The following BRME1 variants were observed in gnomAD, a reference collection of about 807,000 sequenced individuals.
BRME1 encodes break repair meiotic recombinase recruitment factor 1.
A neutral mutation model predicts 52.6 loss-of-function variants in BRME1; 31 were observed. The ratio of observed to expected loss-of-function variants is 0.59; its 90% CI spans 0.44 to 0.80. The LOEUF is 0.80. BRME1 is among the 30% of genes least tolerant of loss of function. BRME1 has a pLI of 0.00. For missense variants in BRME1, 804 were observed against 860.3 expected, an observed-to-expected ratio of 0.93 and a Z score of 0.82; for synonymous variants, 359 against 353.6, an observed-to-expected ratio of 1.02 and a Z score of -0.17.
intron 2 of BRME1, among the ~76,000 whole-genome samples, chr19:13,901,606 T>C (rs1205245913): frequency 2.0e-5 from 3 of 149,080 alleles, no homozygotes; most frequent in African/African-American, 5.0e-5. Context: ...GGCTGAGGCA[T>C]GAGCATCACT....
chr19:13,903,685 A>T (rs567081951), intron 2 of BRME1, among the ~76,000 whole-genome samples: 18 of 151,938 alleles, frequency 1.2e-4, no homozygotes, highest in Non-Finnish European at 2.4e-4. Flanking sequence ...AAAAAAAAAA[A>T]AATAAAGTCT....
chr19:13,886,152 G>A (rs1568372593), intron 6 of BRME1, 97 bp from the exon 7 acceptor site: 15 of 996,026 alleles, frequency 1.5e-5, no homozygotes, highest in Middle Eastern at 2.1e-4. Flanking sequence ...TGGCTTCACC[G>A]CGGCCACAGC....
intron 2 of BRME1, among the ~76,000 whole-genome samples, chr19:13,897,040 C>CT (rs35686337): frequency 0.31 from 41,388 of 133,256 alleles, 8,413 homozygotes; most frequent in African/African-American, 0.58. Context: ...TACATCGAAA[C>CT]TTTTTTTTTT....
rs560670498 is a variant in BRME1, at chr19:13,897,128, T to C, written c.32-1582A>G. Among the ~76,000 whole-genome samples the C allele has an allele frequency of 5.3e-5, 8 of 150,032 alleles. No individual in the cohort carries two copies. The South Asian group carries it at 1.7e-3, about 32-fold the overall frequency. ...ATCTCTGCTCACCGCAACCTCTGCC[T>C]CCCGGGTTCAAGTGATTCTCCTGCC... is the stretch of plus-strand genomic sequence containing the variant. On this transcript the variant is annotated intron_variant, in intron 2 of 8. Coordinates refer to ENST00000586783, the MANE Select transcript of BRME1 (RefSeq NM_001345843.2).
chr19:13,896,270 A>C (rs1969884320), intron 2 of BRME1, among the ~76,000 whole-genome samples: 2 of 149,426 alleles, frequency 1.3e-5, no homozygotes, highest in African/African-American at 4.9e-5. Flanking sequence ...ACTCTGTCTC[A>C]AAAAAAAATT....
At chr19:13,905,258 T>C (rs978352188) in intron 1 of BRME1, among the ~76,000 whole-genome samples, 21 of 151,988 alleles carry the variant, frequency 1.4e-4, no homozygotes, top group Non-Finnish European at 2.8e-4. Flanking sequence ...GACTGGGGTA[T>C]CTGGGGGCCC....
At position 13,885,963 on chromosome 19, in the gene BRME1, C is replaced by T. The variant is rs758097252; in HGVS notation, c.1761G>A (p.Pro587=). The T allele has an allele frequency of 5.0e-6, 8 of 1,613,478 alleles. No individual in the cohort carries two copies. The East Asian group carries it at 6.7e-5, about 13-fold the overall frequency. Residue 587 remains proline, a splice_region_variant and synonymous_variant, in exon 7 of 9, where the codon CCG becomes CCA. Coordinates refer to ENST00000586783, the MANE Select transcript of BRME1 (RefSeq NM_001345843.2). ...GDPVAVAKAQ[P]RTFVGIQASE... ...CTTCTCACCCACGCCACACCTACCT[C>T]GGCTGGGCCTTGGCCACTGCAACAG...
chr19:13,889,508 G>C lies in BRME1; in HGVS notation c.1348C>G (p.Gln450Glu). Reference protein sequence around the residue: ...PDTGPCVNQKQEPGPAQEEAE... With the variant: ...PDTGPCVNQKEEPGPAQEEAE... Reference sequence around the variant, plus strand: ...TCCTCTTGAGCAGGACCTGGCTCCTGCTTCTGATTGACACATGGACCTGTG... The same window carrying C: ...TCCTCTTGAGCAGGACCTGGCTCCTCCTTCTGATTGACACATGGACCTGTG... Residue 450 changes from glutamine (Q) to glutamate (E), a missense_variant, in exon 6 of 9, where the codon CAG becomes GAG. By Grantham distance (29) the Gln-to-Glu change is conservative. Around this residue, in one of 3 missense-constraint regions of BRME1, gnomAD observed 552 missense variants for 561.1 expected, o/e 0.98. Coordinates refer to ENST00000586783, the MANE Select transcript of BRME1 (RefSeq NM_001345843.2). 1 of 1,613,904 alleles carries C rather than the reference G, an allele frequency of 6.2e-7. No individual in the cohort carries two copies.
intron 5 of BRME1, among the ~76,000 whole-genome samples, chr19:13,890,847 G>C (rs1371310069): frequency 6.6e-6 from 1 of 152,078 alleles, no homozygotes; most frequent in Admixed American, 6.6e-5. Flanking sequence ...CTGGACGACA[G>C]AGTAAGACTC....
At chr19:13,894,861 T>C (rs1969766241) in intron 3 of BRME1, among the ~76,000 whole-genome samples, 1 of 152,286 alleles carries the variant, frequency 6.6e-6, no homozygotes, top group South Asian at 2.1e-4. Context: ...AAAAATGCAA[T>C]GTTATCTTTG....
At chr19:13,891,710 C>G (rs1969514898) in intron 5 of BRME1, among the ~76,000 whole-genome samples, 1 of 151,048 alleles carries the variant, frequency 6.6e-6, no homozygotes, top group Non-Finnish European at 1.5e-5. Flanking sequence ...CTCAAGTGAT[C>G]CTCCTGCCTC....
chr19:13,904,075 G>A (rs1970480875), intron 2 of BRME1, among the ~76,000 whole-genome samples: 1 of 151,936 alleles, frequency 6.6e-6, no homozygotes. Context: ...TACTTTTCCT[G>A]TATGCCCTCT....
chr19:13,902,982 T>C (rs1410440789), intron 2 of BRME1, among the ~76,000 whole-genome samples: 1 of 152,068 alleles, frequency 6.6e-6, no homozygotes, highest in East Asian at 1.9e-4. Context: ...CTGTCCTGTT[T>C]TTCATGCTGT....
At chr19:13,899,635 G>T (rs1202311424) in intron 2 of BRME1, among the ~76,000 whole-genome samples, 1 of 152,092 alleles carries the variant, frequency 6.6e-6, no homozygotes, top group East Asian at 1.9e-4. Flanking sequence ...GCCCTGCCCT[G>T]CCCCATCAGG....
At chr19:13,885,415 G>A (rs1261383089) in intron 7 of BRME1, 2 of 153,434 alleles carry the variant, frequency 1.3e-5, no homozygotes, top group African/African-American at 4.8e-5. Context: ...GCATGGTGCG[G>A]GGGAGAGGGT....
intron 2 of BRME1, among the ~76,000 whole-genome samples, chr19:13,897,474 G>A (rs1969988736): frequency 6.6e-6 from 1 of 152,186 alleles, no homozygotes; most frequent in South Asian, 2.1e-4. Flanking sequence ...GAACTTGTGT[G>A]TGTTAAGATA....
intron 6 of BRME1, among the ~76,000 whole-genome samples, chr19:13,887,837 C>T (rs1270848531): frequency 6.6e-6 from 1 of 151,288 alleles, no homozygotes; most frequent in East Asian, 1.9e-4. Flanking sequence ...AATCTCGGCT[C>T]ACTGCAACCT....
chr19:13,901,330 G>A (rs1031715137), intron 2 of BRME1, among the ~76,000 whole-genome samples: 1 of 152,048 alleles, frequency 6.6e-6, no homozygotes, highest in African/African-American at 2.4e-5. Context: ...ATGTTGACAA[G>A]TAAACATGGT....
chr19:13,898,789 G>A (rs1046343588), intron 2 of BRME1, among the ~76,000 whole-genome samples: 2 of 151,558 alleles, frequency 1.3e-5, no homozygotes, highest in Non-Finnish European at 2.9e-5. Flanking sequence ...CGGGCATGGT[G>A]GCTCATGCCT....
Sources: allele counts gnomAD v4.1 joint callset (sites outside exome capture counted in the v4.1 genomes callset), GRCh38; gene constraint gnomAD v4.1.1; regional missense constraint gnomAD v4.1.1; transcripts MANE v1.5; gene names NCBI Gene and HGNC (gene_info 2026-07-23, HGNC 2026-07-21).